Variants in OTOGL observed in about 807,000 individuals in gnomAD.
OTOGL encodes the protein otogelin like.
OTOGL carries 285 observed loss-of-function variants against 318.5 expected under a neutral mutation model. The ratio of observed to expected loss-of-function variants is 0.89; its 90% CI spans 0.81 to 0.99. OTOGL has a LOEUF of 0.99. OTOGL is among the 50% of genes least tolerant of loss of function. The pLI is 0.00. For synonymous variants in OTOGL, 987 were observed against 936.5 expected (o/e 1.05, Z -0.99); for missense variants, 2,899 against 2,845.6 (o/e 1.02, Z -0.43).
chr12:80,340,396 T>C (rs1400302039), intron 43 of OTOGL, among the ~76,000 whole-genome samples: 1 of 152,192 alleles, frequency 6.6e-6, no homozygotes, highest in Non-Finnish European at 1.5e-5. Flanking sequence ...ATAGGCATTA[T>C]TGAGTATATG....
At chr12:80,192,155 C>T (rs1396133900) in intron 1 of OTOGL, among the ~76,000 whole-genome samples, 1 of 152,214 alleles carries the variant, frequency 6.6e-6, no homozygotes, top group East Asian at 1.9e-4. Context: ...TGAATACCTA[C>T]AGGACATATG....
chr12:80,285,988 G>A (rs995065326), intron 26 of OTOGL, among the ~76,000 whole-genome samples: 1 of 152,148 alleles, frequency 6.6e-6, no homozygotes, highest in Non-Finnish European at 1.5e-5. Context: ...TGCCCATTCA[G>A]TATGATATTG....
At position 80,268,324 on chromosome 12, in the gene OTOGL, TAA is replaced by T. The variant is rs112569520; in HGVS notation, c.2465+998_2465+999del. Among the ~76,000 whole-genome samples the T allele has an allele frequency of 2.2e-3, 330 of 150,172 alleles. 3 individuals are homozygous for T. The highest frequency in any genetic ancestry group is 7.9e-3 in the African/African-American group (313 of 39,510). On this transcript the variant is annotated intron_variant, in intron 22 of 58. Transcript: ENST00000547103. ...AAATACTTACTCATCACCATAACCC[TAA>T]GAGATAGGCAATGTTGTTTTATCCT...
chr12:80,155,442 A>G (rs901491542), intron 1 of OTOGL, among the ~76,000 whole-genome samples: 1 of 152,156 alleles, frequency 6.6e-6, no homozygotes, highest in Non-Finnish European at 1.5e-5. Flanking sequence ...CAGGTCTATT[A>G]TCAACTTTGA....
intron 37 of OTOGL, 81 bp downstream of exon 37, chr12:80,329,200 A>G (rs1887910229): frequency 9.1e-7 from 1 of 1,097,520 alleles, no homozygotes. Flanking sequence ...AGGTGTTACT[A>G]TAGCTGCTAT....
At chr12:80,269,455 T>C (rs1235317269) in intron 22 of OTOGL, among the ~76,000 whole-genome samples, 1 of 152,072 alleles carries the variant, frequency 6.6e-6, no homozygotes, top group Non-Finnish European at 1.5e-5. Flanking sequence ...ATCACTTTTC[T>C]GCTTAGGTCT....
Position 80,104,664 on chromosome 12 carries a change from GCA to G in OTOGL, c.-20+5062_-20+5063del, listed in dbSNP as rs558845849. Among the ~76,000 whole-genome samples the G allele has an allele frequency of 6.5e-3, 996 of 152,194 alleles. 15 individuals carry two copies. The highest frequency in any genetic ancestry group is 0.021 in the African/African-American group (882 of 41,502). The stretch of plus-strand genomic sequence containing the variant: ...GGGTGGGAGAGAGCTGCCTAGTTGG[GCA>G]CAGTTTAAGTGCAAGGCATTATTGT... On this transcript the variant is annotated intron_variant, in intron 1 of 58. Coordinates refer to ENST00000547103, the MANE Select transcript of OTOGL (RefSeq NM_001378609.3).
intron 1 of OTOGL, among the ~76,000 whole-genome samples, chr12:80,187,234 G>A (rs1292067893): frequency 1.3e-5 from 2 of 151,768 alleles, no homozygotes; most frequent in Non-Finnish European, 2.9e-5. Flanking sequence ...CTGATTTAGG[G>A]ACGACTTAGG....
chr12:80,316,504 A>G (rs979837641), intron 32 of OTOGL, among the ~76,000 whole-genome samples: 1 of 152,142 alleles, frequency 6.6e-6, no homozygotes, highest in Non-Finnish European at 1.5e-5. Context: ...GTGATGGTTC[A>G]TTCTTCTAAT....
At chr12:80,185,582 C>T (rs1050822303) in intron 1 of OTOGL, among the ~76,000 whole-genome samples, 1 of 152,152 alleles carries the variant, frequency 6.6e-6, no homozygotes, top group African/African-American at 2.4e-5. Flanking sequence ...AGCCACTGCA[C>T]CCGGCCAAAT....
At position 80,336,471 on chromosome 12, in the gene OTOGL, A is replaced by G. The variant is rs1888412282; in HGVS notation, c.4659A>G (p.Ala1553=). ...SIITFDGNNA[A]LYSMASYILV... is the part of the protein sequence containing the mutation. ...TTACATTTGATGGAAACAACGCAGC[A>G]TTATATAGCATGGCTTCTTATATCT... The change falls in exon 40 of 59, where the codon GCA becomes GCG. Residue 1553 remains alanine (A), a synonymous_variant. Transcript: ENST00000547103. 1 of 1,608,926 alleles carries G rather than the reference A, an allele frequency of 6.2e-7. No homozygotes were observed. Among genetic ancestry groups the G allele is most frequent in the Non-Finnish European group, 8.5e-7 (1 of 1,176,046 alleles).
intron 28 of OTOGL, among the ~76,000 whole-genome samples, chr12:80,303,676 A>C (rs4842279): frequency 0.95 from 144,116 of 152,216 alleles, 68,377 homozygotes; most frequent in Middle Eastern, 1. Context: ...GAAGCAATCA[A>C]CTTCTTCAAA....
intron 1 of OTOGL, among the ~76,000 whole-genome samples, chr12:80,125,055 GCCAGACTT>G (rs1246832693): frequency 1.3e-5 from 2 of 152,166 alleles, no homozygotes; most frequent in Non-Finnish European, 2.9e-5. Flanking sequence ...AATGGCCCTG[GCCAGACTT>G]CCAATAGTAT....
In OTOGL at chr12:80,219,743, A is replaced by T. The variant is rs189604616; in HGVS notation, c.236-71A>T. On this transcript the variant is annotated intron_variant, in intron 5 of 58. Transcript: ENST00000547103. ...AGTGATTACAATTTGTCCAAGCTAT[A>T]TCTTGACATATTATGCTTAAAAGAA... 2.0e-3 allele frequency: 1,948 copies of T among 957,652 alleles called. 3 individuals carry two copies. The highest frequency in any genetic ancestry group is 2.9e-3 in the Non-Finnish European group (1,779 of 620,946). 59.3% of individuals were successfully genotyped at this position (957,652 alleles called of 1,614,324 possible).
In OTOGL at chr12:80,233,057, C is replaced by A. The variant is rs751474181; in HGVS notation, c.777C>A (p.Asn259Lys). The A allele has an allele frequency of 5.0e-6, 8 of 1,597,916 alleles. No homozygotes were observed. In the South Asian group the frequency reaches 5.5e-5, roughly 11 times the overall value. The change falls in exon 9 of 59, where the codon AAC becomes AAA. Residue 259 changes from asparagine (N) to lysine (K), a missense_variant. Asn to Lys is a moderately conservative substitution (Grantham distance 94, BLOSUM62 0). Transcript: ENST00000547103. ...GGAAATCATGTGGCCTATGTGGAAA[C>A]TACAATGACATTCAATCTGATGATT... is the stretch of plus-strand genomic sequence containing the variant. The part of the protein sequence containing the change: ...HKGKSCGLCG[N>K]YNDIQSDDFI...
At chr12:80,156,508 C>T (rs2137181508) in intron 1 of OTOGL, among the ~76,000 whole-genome samples, 1 of 152,296 alleles carries the variant, frequency 6.6e-6, no homozygotes. Context: ...TTGGCTGCGT[C>T]CCCCATACAG....
chr12:80,180,239 G>T (rs1314557874), intron 1 of OTOGL, among the ~76,000 whole-genome samples: 1 of 102,386 alleles, frequency 9.8e-6, no homozygotes, highest in African/African-American at 2.8e-5. Context: ...GAGGGTCATA[G>T]GCTCTGGGCC....
intron 27 of OTOGL, among the ~76,000 whole-genome samples, chr12:80,299,820 A>T (rs960672950): frequency 1.3e-5 from 2 of 150,952 alleles, no homozygotes; most frequent in Non-Finnish European, 3.0e-5. Context: ...TCTATTTTGG[A>T]CAATTTGTAA....
chr12:80,212,225 T>C (rs760888378), intron 4 of OTOGL, among the ~76,000 whole-genome samples: 1 of 152,152 alleles, frequency 6.6e-6, no homozygotes, highest in Non-Finnish European at 1.5e-5. Context: ...TTTTTTTTGC[T>C]ATTCAGCTCA....
Sources: allele counts gnomAD v4.1 joint callset (sites outside exome capture counted in the v4.1 genomes callset), GRCh38; gene constraint gnomAD v4.1.1; transcripts MANE v1.5; gene names NCBI Gene and HGNC (gene_info 2026-07-23, HGNC 2026-07-21).